The following PHACTR3 variants were observed in gnomAD, a reference collection of about 807,000 sequenced individuals.
PHACTR3 encodes phosphatase and actin regulator 3.
In PHACTR3, 16 loss-of-function variants were observed where a neutral mutation model predicts 66.8. The ratio of observed to expected loss-of-function variants is 0.24; its 90% CI spans 0.16 to 0.36. PHACTR3 has a LOEUF of 0.36. Ranked by LOEUF, PHACTR3 falls within the 10% of genes least tolerant of loss-of-function variation. The pLI, the probability that PHACTR3 is intolerant of heterozygous loss-of-function variation, is 1.00. For synonymous variants in PHACTR3, 323 were observed against 292.1 expected (o/e 1.11, Z -1.08); for missense variants, 647 against 719.9 (o/e 0.90, Z 1.16).
intron 7 of PHACTR3, among the ~76,000 whole-genome samples, chr20:59,781,316 C>T (rs1439204437): frequency 6.6e-6 from 1 of 152,184 alleles, no homozygotes. Context: ...GAGAAACAAG[C>T]CTCAAGAAGG....
chr20:59,763,537 A>G (rs753190910), intron 4 of PHACTR3, among the ~76,000 whole-genome samples: 1 of 152,238 alleles, frequency 6.6e-6, no homozygotes, highest in Non-Finnish European at 1.5e-5. Context: ...TGTGGGGACC[A>G]AGATTCAAGT....
At chr20:59,716,317 A>T (rs6070921) in intron 1 of PHACTR3, among the ~76,000 whole-genome samples, 1 of 148,318 alleles carries the variant, frequency 6.7e-6, no homozygotes, top group Non-Finnish European at 1.5e-5. Flanking sequence ...TGCGATCTCG[A>T]TCTCAGCTCA....
At chr20:59,710,583 G>A (rs1358083211) in intron 1 of PHACTR3, among the ~76,000 whole-genome samples, 1 of 152,088 alleles carries the variant, frequency 6.6e-6, no homozygotes, top group African/African-American at 2.4e-5. Context: ...ATTCATGTGT[G>A]GTTCCTGGAG....
At chr20:59,580,242 C>T (rs887816531) in intron 1 of PHACTR3, among the ~76,000 whole-genome samples, 6 of 152,072 alleles carry the variant, frequency 3.9e-5, no homozygotes, top group Non-Finnish European at 5.9e-5. Flanking sequence ...GCAAGGGTCC[C>T]GGCACCCAAG....
intron 1 of PHACTR3, among the ~76,000 whole-genome samples, chr20:59,706,003 C>A (rs538096075): frequency 5.3e-5 from 8 of 152,328 alleles, no homozygotes; most frequent in African/African-American, 1.9e-4. Flanking sequence ...AGAGCCCACA[C>A]CACCTTCCAA....
At chr20:59,669,588 C>T (rs1343517369) in intron 1 of PHACTR3, among the ~76,000 whole-genome samples, 2 of 152,188 alleles carry the variant, frequency 1.3e-5, no homozygotes, top group East Asian at 1.9e-4. Context: ...ATATTTTCTT[C>T]TCCTCTAAAG....
intron 1 of PHACTR3, among the ~76,000 whole-genome samples, chr20:59,716,183 T>C (rs1052707867): frequency 1.3e-5 from 2 of 151,284 alleles, no homozygotes; most frequent in African/African-American, 4.9e-5. Flanking sequence ...TCCCTGCCCC[T>C]GCTTTGCTCT....
At chr20:59,775,130 G>A (rs1016915676) in intron 7 of PHACTR3, among the ~76,000 whole-genome samples, 10 of 150,912 alleles carry the variant, frequency 6.6e-5, no homozygotes, top group Non-Finnish European at 1.0e-4. Flanking sequence ...TCCGGGGCTC[G>A]GGACGATAGA....
chr20:59,781,338 C>T (rs2040719101), intron 7 of PHACTR3, among the ~76,000 whole-genome samples: 1 of 152,212 alleles, frequency 6.6e-6, no homozygotes. Flanking sequence ...CTCTCGATGG[C>T]ACCTGCCATG....
chr20:59,825,896 T>G (rs960218976), intron 8 of PHACTR3, among the ~76,000 whole-genome samples: 3 of 152,112 alleles, frequency 2.0e-5, no homozygotes, highest in African/African-American at 7.2e-5. Flanking sequence ...GCAGTGCTCT[T>G]GAGCGGGATT....
intron 4 of PHACTR3, among the ~76,000 whole-genome samples, chr20:59,763,590 A>G (rs185763576): frequency 2.6e-5 from 4 of 152,342 alleles, no homozygotes; most frequent in East Asian, 1.9e-4. Flanking sequence ...AGTGTGGCCA[A>G]CTGGTAACAT....
intron 1 of PHACTR3, among the ~76,000 whole-genome samples, chr20:59,717,459 A>G (rs1379674345): frequency 6.6e-6 from 1 of 152,216 alleles, no homozygotes; most frequent in African/African-American, 2.4e-5. Flanking sequence ...TCACATTTGC[A>G]GCACTGTGCT....
At chr20:59,663,907 T>C (rs1237843509) in intron 1 of PHACTR3, among the ~76,000 whole-genome samples, 1 of 152,248 alleles carries the variant, frequency 6.6e-6, no homozygotes, top group Admixed American at 6.5e-5. Context: ...GAAGGCATTA[T>C]GTATAACGAT....
At position 59,823,476 on chromosome 20, in the gene PHACTR3, G is replaced by C. The variant is rs143465002; in HGVS notation, c.1329-13029G>C. Among the ~76,000 whole-genome samples, 24 of 152,318 alleles carry C rather than the reference G, an allele frequency of 1.6e-4. 1 individual carries two copies. The East Asian group carries it at 4.4e-3, about 28-fold the overall frequency. Reference sequence around the variant, plus strand: ...AAAGAAGAGATCATAAGCATGATTTGTTCATGCTTTAAACACAATTTTAAA... The same window carrying C: ...AAAGAAGAGATCATAAGCATGATTTCTTCATGCTTTAAACACAATTTTAAA... On this transcript the variant is annotated intron_variant, in intron 8 of 12. Transcript: ENST00000371015.
chr20:59,598,660 G>A (rs1054380535), intron 1 of PHACTR3, among the ~76,000 whole-genome samples: 11 of 152,206 alleles, frequency 7.2e-5, no homozygotes, highest in African/African-American at 2.4e-4. Context: ...GGTTGGCATT[G>A]CATTGAGCAC....
intron 5 of PHACTR3, among the ~76,000 whole-genome samples, chr20:59,769,850 G>A (rs1315825549): frequency 1.3e-5 from 2 of 152,194 alleles, no homozygotes; most frequent in Non-Finnish European, 2.9e-5. Flanking sequence ...CAGTCTTTAT[G>A]CAACATGGCC....
chr20:59,767,278 G>A lies in PHACTR3; in HGVS notation c.634G>A (p.Asp212Asn). 1 of 1,614,252 alleles carries A rather than the reference G, an allele frequency of 6.2e-7. No individual in the cohort carries two copies. The highest frequency in any genetic ancestry group is 8.5e-7 in the Non-Finnish European group (1 of 1,180,046). Residue 212 changes from aspartate (D) to asparagine (N), a missense_variant, in exon 5 of 13, where the codon GAC becomes AAC. This residue lies in a region of PHACTR3 where 577 missense variants were observed against 571.1 expected (regional missense o/e 1.01). Coordinates refer to ENST00000371015, the MANE Select transcript of PHACTR3 (RefSeq NM_080672.5). ...GCTCTCCCAAGCCTTAGCTGGGGCTGACTCCCTGGACAGTCCTCCCAGACC... is the reference window on the plus strand; with the variant it reads ...GCTCTCCCAAGCCTTAGCTGGGGCTAACTCCCTGGACAGTCCTCCCAGACC... Reference protein sequence around the residue: ...NELSQALAGADSLDSPPRPLE... With the variant: ...NELSQALAGANSLDSPPRPLE...
chr20:59,806,216 C>CAGCCGGGCCT, intron 8 of PHACTR3, 22 bp downstream of exon 8: 1 of 1,611,262 alleles, frequency 6.2e-7, no homozygotes, highest in South Asian at 1.1e-5. Flanking sequence ...CTTGCGGGCA[C>CAGCCGGGCCT]AGCCGGGCCT....
At chr20:59,724,192 C>T (rs1230123922) in intron 1 of PHACTR3, among the ~76,000 whole-genome samples, 2 of 152,024 alleles carry the variant, frequency 1.3e-5, no homozygotes, top group Non-Finnish European at 2.9e-5. Context: ...CTGTTCCTGC[C>T]CATGTTCATT....
Sources: allele counts gnomAD v4.1 joint callset (sites outside exome capture counted in the v4.1 genomes callset), GRCh38; gene constraint gnomAD v4.1.1; regional missense constraint gnomAD v4.1.1; transcripts MANE v1.5; gene names NCBI Gene and HGNC (gene_info 2026-07-23, HGNC 2026-07-21).